PLLP: variants seen among roughly 807,000 people sequenced by gnomAD.
PLLP encodes the protein plasmolipin.
A neutral mutation model predicts 19.7 loss-of-function variants in PLLP; 15 were observed. The ratio of observed to expected loss-of-function variants is 0.76; its 90% confidence interval spans 0.51 to 1.17. The LOEUF (loss-of-function observed/expected upper bound fraction) is 1.17, where lower values mean the gene tolerates loss of function less well. Among genes scored for constraint, PLLP ranks in the 50% most tolerant of loss-of-function variants. The pLI, the probability that PLLP is intolerant of heterozygous loss-of-function variation, is 0.00. For missense variants in PLLP, 255 were observed against 258.3 expected (o/e 0.99, Z 0.09); for synonymous variants, 111 against 116.3 (o/e 0.95, Z 0.29).
chr16:57,260,702 A>C (rs1239458056), intron 2 of PLLP, among the ~76,000 whole-genome samples: 6 of 151,860 alleles, frequency 4.0e-5, no homozygotes, highest in African/African-American at 9.7e-5. Flanking sequence ...GAAAAAAAAA[A>C]CCAGCAGCTT....
rs530612568 is a variant in PLLP at position 57,277,756 on chromosome 16, G to T, written c.135+6650C>A. On this transcript the variant is annotated intron_variant, in intron 1 of 3. Transcript: ENST00000219207. ...CAGCACCTATCTGTGGTTAAGTGAG[G>T]ATGTGGGTTTTATGTAGAAATATGC... Among the ~76,000 whole-genome samples the T allele has an allele frequency of 6.6e-5, 10 of 152,298 alleles. No individual in the cohort carries two copies. In the South Asian group the frequency reaches 2.1e-3, roughly 32 times the overall value.
intron 2 of PLLP, 125 bp downstream of exon 2, chr16:57,261,771 CT>C (rs2075442243): frequency 1.3e-6 from 1 of 782,766 alleles, no homozygotes; most frequent in South Asian, 1.6e-5. Flanking sequence ...ACCTCCACCC[CT>C]GGCTCTGCAG....
At chr16:57,270,523 A>G (rs1264669822) in intron 1 of PLLP, among the ~76,000 whole-genome samples, 3 of 151,932 alleles carry the variant, frequency 2.0e-5, no homozygotes, top group African/African-American at 7.3e-5. Flanking sequence ...CATCTGGGCA[A>G]GCCAAGGACA....
Position 57,284,313 on chromosome 16 carries a change from T to C in PLLP, c.135+93A>G, listed in dbSNP as rs559693486. The C allele has an allele frequency of 3.9e-5, 44 of 1,141,540 alleles. No individual in the cohort carries two copies. The African/African-American group carries it at 6.6e-4, about 17-fold the overall frequency. 70.7% of individuals were successfully genotyped at this position (1,141,540 alleles called of 1,614,324 possible). ...TGAGCCCGGGTGGGGAGCGCAAGGTTCGCGAAAAATGAACGCAGCGCCGGA... is the reference window on the plus strand; with the variant it reads ...TGAGCCCGGGTGGGGAGCGCAAGGTCCGCGAAAAATGAACGCAGCGCCGGA... On this transcript the variant is annotated intron_variant, in intron 1 of 3. Transcript: ENST00000219207.
chr16:57,258,438 A>C (rs779842436), intron 3 of PLLP, 24 bp downstream of exon 3: 1 of 1,605,016 alleles, frequency 6.2e-7, no homozygotes, highest in Non-Finnish European at 8.5e-7. Context: ...CAGACCACCA[A>C]GGGAGCCTGG....
At chr16:57,267,338 G>A (rs529197459) in intron 1 of PLLP, among the ~76,000 whole-genome samples, 68 of 152,256 alleles carry the variant, frequency 4.5e-4, no homozygotes, top group Non-Finnish European at 8.2e-4. Flanking sequence ...GGAGCCTGAG[G>A]TGCATGATCA....
intron 1 of PLLP, among the ~76,000 whole-genome samples, chr16:57,262,661 G>A (rs2075445632): frequency 6.6e-6 from 1 of 152,154 alleles, no homozygotes. Flanking sequence ...CATGGGCCCA[G>A]GAGTTAAAAG....
At chr16:57,268,191 A>G (rs1267956355) in intron 1 of PLLP, among the ~76,000 whole-genome samples, 1 of 152,244 alleles carries the variant, frequency 6.6e-6, no homozygotes, top group Non-Finnish European at 1.5e-5. Flanking sequence ...CTTTGATTTC[A>G]GTAACTGAGA....
intron 2 of PLLP, among the ~76,000 whole-genome samples, 172 bp downstream of exon 2, chr16:57,261,725 A>G (rs1382432953): frequency 2.6e-5 from 4 of 152,028 alleles, no homozygotes; most frequent in Non-Finnish European, 5.9e-5. Flanking sequence ...CTTGAAGGAA[A>G]AATAGAAAAA....
intron 1 of PLLP, among the ~76,000 whole-genome samples, chr16:57,283,419 G>A (rs997712565): frequency 1.3e-5 from 2 of 152,134 alleles, no homozygotes; most frequent in East Asian, 1.9e-4. Flanking sequence ...CTTGGGCCTC[G>A]CAGCAGCGCT....
At chr16:57,282,580 C>A (rs1368635551) in intron 1 of PLLP, among the ~76,000 whole-genome samples, 1 of 152,048 alleles carries the variant, frequency 6.6e-6, no homozygotes, top group East Asian at 1.9e-4. Flanking sequence ...TCATCCTCCA[C>A]CCAGCAAGAT....
intron 2 of PLLP, 37 bp from the exon 3 acceptor site, chr16:57,258,621 G>C: frequency 6.2e-7 from 1 of 1,607,482 alleles, no homozygotes; most frequent in Non-Finnish European, 8.5e-7. Flanking sequence ...GGAGAGAAAA[G>C]GCTTAAGACA....
At chr16:57,260,361 C>T (rs1344630163) in intron 2 of PLLP, among the ~76,000 whole-genome samples, 1 of 152,188 alleles carries the variant, frequency 6.6e-6, no homozygotes, top group Non-Finnish European at 1.5e-5. Context: ...AGGCTTTTAT[C>T]TCTGGAGATT....
chr16:57,264,455 G>A lies in PLLP; in HGVS notation c.136-2385C>T, dbSNP rs750763932. 7.2e-5 allele frequency among the ~76,000 whole-genome samples: 11 copies of A among 152,212 alleles called. No individual in the cohort carries two copies. The East Asian group carries it at 1.2e-3, about 16-fold the overall frequency. ...CAACAGTGCCCGACACATAATATAC[G>A]CTAAATACACAATGTGCTTAGGAAC... is the stretch of plus-strand genomic sequence containing the variant. On this transcript the variant is annotated intron_variant, in intron 1 of 3. Coordinates refer to ENST00000219207, the MANE Select transcript of PLLP (RefSeq NM_015993.3).
intron 2 of PLLP, 144 bp downstream of exon 2, chr16:57,261,753 C>T: frequency 1.5e-6 from 1 of 687,876 alleles, no homozygotes; most frequent in South Asian, 1.8e-5. Context: ...TCTGAACCAT[C>T]AATCCTCACC....
At position 57,264,877 on chromosome 16, in the gene PLLP, TAAGTA is replaced by T. The variant is rs546296177; in HGVS notation, c.136-2812_136-2808del. On this transcript the variant is annotated intron_variant, in intron 1 of 3. Coordinates refer to ENST00000219207, the MANE Select transcript of PLLP (RefSeq NM_015993.3). ...AAACGAAAATAAATAAAATTAAAAT[TAAGTA>T]AAGTTAAAATTAAATTAACAAAATA... Among the ~76,000 whole-genome samples, 791 of 152,296 alleles carry T rather than the reference TAAGTA, an allele frequency of 5.2e-3. 6 individuals carry two copies. The highest frequency in any genetic ancestry group is 0.018 in the African/African-American group (732 of 41,558).
At chr16:57,281,772 A>G (rs1308030484) in intron 1 of PLLP, among the ~76,000 whole-genome samples, 4 of 151,968 alleles carry the variant, frequency 2.6e-5, no homozygotes, top group Non-Finnish European at 5.9e-5. Context: ...CGGCCTCCCA[A>G]AGTGCTGGGA....
At chr16:57,267,949 G>A (rs1258732816) in intron 1 of PLLP, among the ~76,000 whole-genome samples, 1 of 152,036 alleles carries the variant, frequency 6.6e-6, no homozygotes, top group Non-Finnish European at 1.5e-5. Context: ...GAGTTAAGGG[G>A]GGTTATACTG....
chr16:57,279,427 C>T (rs1252851559), intron 1 of PLLP, among the ~76,000 whole-genome samples: 7 of 150,324 alleles, frequency 4.7e-5, no homozygotes, highest in African/African-American at 1.5e-4. Flanking sequence ...AATCTCAGCA[C>T]TTTGGGAGGC....
Sources: gnomAD v4.1 joint callset for allele counts (sites outside exome capture counted in the v4.1 genomes callset) on GRCh38, gnomAD v4.1.1 for gene constraint, MANE v1.5 for transcripts, NCBI Gene and HGNC (gene_info 2026-07-23, HGNC 2026-07-21) for gene names.